ANKS1B: variants seen among roughly 807,000 people sequenced by gnomAD.
ANKS1B encodes ankyrin repeat and sterile alpha motif domain containing 1B, also known as ankyrin repeat and sterile alpha motif domain-containing protein 1B.
ANKS1B carries 36 observed loss-of-function variants against 148.3 expected under a neutral mutation model. The ratio of observed to expected loss-of-function variants is 0.24; its 90% CI spans 0.19 to 0.32. The LOEUF (loss-of-function observed/expected upper bound fraction) is 0.32, where lower values mean the gene tolerates loss of function less well. Among genes scored for constraint, ANKS1B ranks in the 10% least tolerant of loss-of-function variants. The probability of loss-of-function intolerance (pLI) is 1.00; values close to 1 mark genes in which losing one functional copy is unlikely to be tolerated. For synonymous variants in ANKS1B, 542 were observed against 560.8 expected (o/e 0.97, Z 0.47); for missense variants, 1,157 against 1,542.6 (o/e 0.75, Z 4.19).
At chr12:99,983,988 A>T in intron 1 of ANKS1B, 116 bp downstream of exon 1, 1 of 904,456 alleles carries the variant, frequency 1.1e-6, no homozygotes, top group Non-Finnish European at 1.7e-6. Context: ...TTTCCTACCT[A>T]ATTTAAGAAT....
At chr12:99,021,924 TTA>T (rs1238790827) in intron 17 of ANKS1B, among the ~76,000 whole-genome samples, 4 of 152,218 alleles carry the variant, frequency 2.6e-5, no homozygotes, top group Admixed American at 6.5e-5. Flanking sequence ...GAGCATCTTT[TTA>T]TATGTTTATT....
chr12:99,716,768 C>T (rs1293293698), intron 8 of ANKS1B, among the ~76,000 whole-genome samples: 1 of 152,092 alleles, frequency 6.6e-6, no homozygotes, highest in African/African-American at 2.4e-5. Flanking sequence ...CCCGCCTGTC[C>T]CCTCAGTCCC....
At chr12:98,802,139 T>C (rs1429323756) in intron 20 of ANKS1B, among the ~76,000 whole-genome samples, 1 of 152,218 alleles carries the variant, frequency 6.6e-6, no homozygotes, top group Admixed American at 6.5e-5. Flanking sequence ...GTGACTCTCC[T>C]CTAACCTAGA....
At chr12:98,982,507 C>T (rs2099912769) in intron 17 of ANKS1B, among the ~76,000 whole-genome samples, 1 of 152,178 alleles carries the variant, frequency 6.6e-6, no homozygotes, top group African/African-American at 2.4e-5. Context: ...ACTTCCCTCC[C>T]TCTTAGAAAT....
chr12:99,129,316 G>T (rs1408208812), intron 15 of ANKS1B, among the ~76,000 whole-genome samples: 1 of 152,126 alleles, frequency 6.6e-6, no homozygotes, highest in Non-Finnish European at 1.5e-5. Context: ...CAGTTATTCA[G>T]CCCAAAGCAA....
intron 11 of ANKS1B, among the ~76,000 whole-genome samples, chr12:99,406,501 C>T (rs1261398726): frequency 6.9e-6 from 1 of 144,942 alleles, no homozygotes; most frequent in African/African-American, 2.6e-5. Context: ...GACAACATAG[C>T]AAAACCTATG....
chr12:99,035,023 G>A (rs1368535489), intron 17 of ANKS1B, among the ~76,000 whole-genome samples: 1 of 152,178 alleles, frequency 6.6e-6, no homozygotes, highest in Admixed American at 6.5e-5. Context: ...TGATGTGGAA[G>A]GTGTTGGGGC....
intron 15 of ANKS1B, among the ~76,000 whole-genome samples, chr12:99,091,062 G>A (rs2053823491): frequency 6.6e-6 from 1 of 152,066 alleles, no homozygotes; most frequent in Non-Finnish European, 1.5e-5. Context: ...AAATTTTCAT[G>A]TTTTTAGCTT....
chr12:99,755,593 T>G (rs1204636223), intron 8 of ANKS1B, among the ~76,000 whole-genome samples: 1 of 47,746 alleles, frequency 2.1e-5, no homozygotes, highest in Non-Finnish European at 4.5e-5. Flanking sequence ...GCAAAAATCC[T>G]CAAAAAAAAA....
At chr12:99,660,357 C>A (rs367733923) in intron 8 of ANKS1B, among the ~76,000 whole-genome samples, 1 of 126,376 alleles carries the variant, frequency 7.9e-6, no homozygotes, top group African/African-American at 3.1e-5. Context: ...CTTTCTTTTT[C>A]TTTTTCTTTT....
chr12:99,957,391 C>T (rs2095340741), intron 1 of ANKS1B, among the ~76,000 whole-genome samples: 1 of 152,172 alleles, frequency 6.6e-6, no homozygotes, highest in Non-Finnish European at 1.5e-5. Context: ...TTACTAAGAG[C>T]ACGAGCTTAC....
At chr12:98,774,832 C>A (rs906057577) in intron 24 of ANKS1B, among the ~76,000 whole-genome samples, 3 of 152,096 alleles carry the variant, frequency 2.0e-5, no homozygotes, top group African/African-American at 4.8e-5. Flanking sequence ...CATTTTTCAC[C>A]GTGGCCTTTT....
chr12:99,916,837 T>C (rs183771920), intron 1 of ANKS1B, among the ~76,000 whole-genome samples: 4 of 152,338 alleles, frequency 2.6e-5, no homozygotes, highest in Admixed American at 1.3e-4. Context: ...GTGTAATCCA[T>C]AGACTAGTGC....
chr12:99,077,076 A>C lies in ANKS1B; in HGVS notation c.2625+7849T>G, dbSNP rs190848961. Among the ~76,000 whole-genome samples the C allele has an allele frequency of 8.8e-3, 1,347 of 152,222 alleles. 8 individuals are homozygous for C. The highest frequency in any genetic ancestry group is 0.014 in the Middle Eastern group (4 of 294). On this transcript the variant is annotated intron_variant, in intron 16 of 26. Transcript: ENST00000683438. ...AAATACAAAAAGCAAAACAAAAAAA[A>C]CCCCACAAGACATTTTCAGAACTGA...
chr12:98,979,264 TTTAA>T (rs2099904771), intron 17 of ANKS1B, among the ~76,000 whole-genome samples: 1 of 151,898 alleles, frequency 6.6e-6, no homozygotes, highest in Non-Finnish European at 1.5e-5. Context: ...TTTTCTATTT[TTTAA>T]TTAATTAATT....
chr12:99,465,753 T>C (rs1236404059), intron 10 of ANKS1B, among the ~76,000 whole-genome samples: 3 of 152,150 alleles, frequency 2.0e-5, no homozygotes, highest in African/African-American at 7.2e-5. Flanking sequence ...CTATCCTAAA[T>C]ATATATGCAC....
At chr12:99,686,539 ATTAAAT>A (rs1324164740) in intron 8 of ANKS1B, among the ~76,000 whole-genome samples, 1 of 152,188 alleles carries the variant, frequency 6.6e-6, no homozygotes, top group African/African-American at 2.4e-5. Flanking sequence ...ATTAAGCTAC[ATTAAAT>A]TTAAATTGTC....
chr12:99,191,300 A>T (rs965023681), intron 14 of ANKS1B, among the ~76,000 whole-genome samples: 2 of 152,208 alleles, frequency 1.3e-5, no homozygotes, highest in African/African-American at 4.8e-5. Context: ...TTCCTCAAGG[A>T]TCTAGAACCA....
At chr12:99,591,682 G>T (rs934792359) in intron 9 of ANKS1B, among the ~76,000 whole-genome samples, 1 of 152,014 alleles carries the variant, frequency 6.6e-6, no homozygotes, top group African/African-American at 2.4e-5. Context: ...TTGTTACCTC[G>T]ATTCTCAAGG....
Sources: gnomAD v4.1 joint callset for allele counts (sites outside exome capture counted in the v4.1 genomes callset) on GRCh38, gnomAD v4.1.1 for gene constraint, MANE v1.5 for transcripts, NCBI Gene and HGNC (gene_info 2026-07-23, HGNC 2026-07-21) for gene names.